Variants in RIMS2 observed in about 807,000 individuals in gnomAD.
RIMS2 encodes regulating synaptic membrane exocytosis protein 2.
In RIMS2, 59 loss-of-function variants were observed where a neutral mutation model predicts 174.4. The observed-to-expected ratio is 0.34, with a 90% CI of 0.27 to 0.42. The LOEUF is 0.42. Ranked by LOEUF, RIMS2 falls within the 10% of genes least tolerant of loss-of-function variation. The pLI, the probability that RIMS2 is intolerant of heterozygous loss-of-function variation, is 1.00. For missense variants in RIMS2, 1,620 were observed against 1,666.3 expected (o/e 0.97, Z 0.48); for synonymous variants, 606 against 572.5 (o/e 1.06, Z -0.84).
At chr8:103,754,067 G>A (rs1047574597) in intron 2 of RIMS2, among the ~76,000 whole-genome samples, 1 of 152,144 alleles carries the variant, frequency 6.6e-6, no homozygotes, top group Non-Finnish European at 1.5e-5. Flanking sequence ...TGGGCATTTA[G>A]TGCTATAAAT....
exon 3 of RIMS2, chr8:103,766,395 C>A (rs1405112598): frequency 6.2e-7 from 1 of 1,613,834 alleles, no homozygotes; most frequent in South Asian, 1.1e-5. Flanking sequence ...ACTACATGAG[C>A]AGACCCAGTT....
intron 16 of RIMS2, among the ~76,000 whole-genome samples, chr8:103,979,679 T>C (rs1267683154): frequency 6.6e-6 from 1 of 152,160 alleles, no homozygotes. Context: ...GGAAGTGACA[T>C]TGAGGAGGGT....
chr8:103,525,668 A>G (rs1833651054), intron 1 of RIMS2, among the ~76,000 whole-genome samples: 1 of 152,232 alleles, frequency 6.6e-6, no homozygotes, highest in South Asian at 2.1e-4. Flanking sequence ...CAAAATATCT[A>G]CTAATTGAAG....
intron 15 of RIMS2, among the ~76,000 whole-genome samples, chr8:103,970,323 A>G (rs2092719286): frequency 6.6e-6 from 1 of 152,110 alleles, no homozygotes; most frequent in South Asian, 2.1e-4. Flanking sequence ...GCTAGAGTGG[A>G]CTAGATTTGG....
At chr8:103,717,527 C>G (rs1014489445) in intron 2 of RIMS2, among the ~76,000 whole-genome samples, 1 of 152,140 alleles carries the variant, frequency 6.6e-6, no homozygotes, top group Non-Finnish European at 1.5e-5. Flanking sequence ...TCTGGTGCTA[C>G]TTTTGTGTCC....
chr8:103,617,893 T>C (rs967925560), intron 1 of RIMS2, among the ~76,000 whole-genome samples: 44 of 152,164 alleles, frequency 2.9e-4, no homozygotes, highest in Non-Finnish European at 7.4e-5. Context: ...GGAAAACTTA[T>C]AAAGTGTTGG....
At chr8:103,505,356 TC>T (rs1349843792) in intron 1 of RIMS2, among the ~76,000 whole-genome samples, 1 of 152,146 alleles carries the variant, frequency 6.6e-6, no homozygotes, top group Non-Finnish European at 1.5e-5. Flanking sequence ...CAGAAATGTG[TC>T]CTGCAGTTTG....
intron 1 of RIMS2, among the ~76,000 whole-genome samples, chr8:103,534,047 A>G (rs1436669734): frequency 6.6e-6 from 1 of 152,226 alleles, no homozygotes; most frequent in Admixed American, 6.5e-5. Flanking sequence ...TGAAAAATAC[A>G]CTAAGCCCTG....
chr8:103,607,355 T>G (rs901895669), intron 1 of RIMS2, among the ~76,000 whole-genome samples: 5 of 152,090 alleles, frequency 3.3e-5, no homozygotes, highest in African/African-American at 1.2e-4. Flanking sequence ...CTTGTAGGGT[T>G]TCTGCTGAGA....
intron 17 of RIMS2, among the ~76,000 whole-genome samples, chr8:103,999,044 A>G (rs1417571974): frequency 1.3e-5 from 2 of 151,782 alleles, no homozygotes; most frequent in Non-Finnish European, 3.0e-5. Context: ...CAGTGACAAC[A>G]TTTGAGATCC....
At chr8:104,200,394 T>G (rs752779409) in intron 19 of RIMS2, among the ~76,000 whole-genome samples, 27 of 152,188 alleles carry the variant, frequency 1.8e-4, no homozygotes, top group Non-Finnish European at 3.5e-4. Context: ...AATATATATA[T>G]TCTAGGAAAA....
At chr8:103,568,547 T>A in intron 1 of RIMS2, 1 of 449,058 alleles carries the variant, frequency 2.2e-6, no homozygotes, top group East Asian at 5.0e-5. Flanking sequence ...TCACTGGTGC[T>A]ATAAGTCTGG....
At chr8:103,882,973 A>G (rs1040127767) in intron 3 of RIMS2, among the ~76,000 whole-genome samples, 2 of 151,608 alleles carry the variant, frequency 1.3e-5, no homozygotes, top group Non-Finnish European at 3.0e-5. Flanking sequence ...CATTAAATGT[A>G]TTATGGGAAA....
At chr8:103,590,011 T>A (rs1357608740) in intron 1 of RIMS2, among the ~76,000 whole-genome samples, 1 of 151,358 alleles carries the variant, frequency 6.6e-6, no homozygotes, top group African/African-American at 2.4e-5. Context: ...TAAGATCTAC[T>A]ATTTTATGCA....
At chr8:103,605,587 C>G (rs2095026909) in intron 1 of RIMS2, among the ~76,000 whole-genome samples, 1 of 151,794 alleles carries the variant, frequency 6.6e-6, no homozygotes, top group African/African-American at 2.4e-5. Context: ...ACCAGTTCCT[C>G]CTTGTACCTC....
chr8:103,804,410 C>T (rs1032191323), intron 3 of RIMS2, among the ~76,000 whole-genome samples: 7 of 152,176 alleles, frequency 4.6e-5, no homozygotes, highest in African/African-American at 9.6e-5. Flanking sequence ...ATAAATTTTC[C>T]GTAGTCTCCT....
At chr8:103,650,444 T>C (rs1179310918) in intron 1 of RIMS2, among the ~76,000 whole-genome samples, 2 of 152,170 alleles carry the variant, frequency 1.3e-5, no homozygotes, top group Non-Finnish European at 2.9e-5. Context: ...GGTGGCCCTT[T>C]GGTAGAGCAG....
chr8:103,583,251 A>T (rs938519332), intron 1 of RIMS2, among the ~76,000 whole-genome samples: 2 of 152,226 alleles, frequency 1.3e-5, no homozygotes, highest in Admixed American at 1.3e-4. Flanking sequence ...TCTAAAACAG[A>T]TAAAGCTTAG....
At chr8:103,882,875 T>C (rs1374566738) in intron 3 of RIMS2, among the ~76,000 whole-genome samples, 1 of 151,704 alleles carries the variant, frequency 6.6e-6, no homozygotes, top group Non-Finnish European at 1.5e-5. Context: ...CTTTATACTC[T>C]ACTTACTTTC....
Sources: gnomAD v4.1 joint callset for allele counts (sites outside exome capture counted in the v4.1 genomes callset) on GRCh38, gnomAD v4.1.1 for gene constraint, MANE v1.5 for transcripts, NCBI Gene and HGNC (gene_info 2026-07-23, HGNC 2026-07-21) for gene names.